Variants in ATP2B2 observed in about 807,000 individuals in gnomAD.
The protein encoded by ATP2B2 is plasma membrane calcium-transporting ATPase 2.
Under a neutral mutation model 120.0 loss-of-function variants are expected in ATP2B2, and 15 were observed. The ratio of observed to expected loss-of-function variants is 0.12; its 90% CI spans 0.08 to 0.19. The LOEUF (loss-of-function observed/expected upper bound fraction) is 0.19. Among genes scored for constraint, ATP2B2 ranks in the 10% least tolerant of loss-of-function variants. The probability of loss-of-function intolerance (pLI) is 1.00; values close to 1 mark genes in which losing one functional copy is unlikely to be tolerated. For synonymous variants in ATP2B2, 694 were observed against 700.3 expected (o/e 0.99, Z 0.14); for missense variants, 1,045 against 1,719.8 (o/e 0.61, Z 6.94).
intron 2 of ATP2B2, among the ~76,000 whole-genome samples, chr3:10,543,373 A>G (rs1425294816): frequency 6.6e-6 from 1 of 152,216 alleles, no homozygotes; most frequent in Non-Finnish European, 1.5e-5. Context: ...TGAAAAGGCT[A>G]TTAAAATACT....
At chr3:10,606,530 G>A (rs985315196) in intron 2 of ATP2B2, among the ~76,000 whole-genome samples, 1 of 152,094 alleles carries the variant, frequency 6.6e-6, no homozygotes, top group African/African-American at 2.4e-5. Context: ...CAATCCTCCT[G>A]GCTTGTATAT....
At position 10,401,996 on chromosome 3, in the gene ATP2B2, C is replaced by T. The variant is rs942986279; in HGVS notation, c.655+95G>A. The stretch of plus-strand genomic sequence containing the variant: ...TGGGATCAGCCTTCAGGAATGCATC[C>T]CCTTCCTTGAGCCAATCTCTTTGCA... On this transcript the variant is annotated intron_variant, in intron 4 of 22. Transcript: ENST00000360273. The T allele has an allele frequency of 3.8e-6, 6 of 1,579,656 alleles. No individual in the cohort carries two copies. In the African/African-American group the frequency reaches 8.0e-5, roughly 21 times the overall value.
At chr3:10,678,150 C>T (rs892015667) in intron 1 of ATP2B2, among the ~76,000 whole-genome samples, 2 of 152,050 alleles carry the variant, frequency 1.3e-5, no homozygotes, top group African/African-American at 2.4e-5. Flanking sequence ...ATACTGGGAT[C>T]GTAAAAAATG....
At chr3:10,626,904 ACACACACACACACT>A (rs2069719257) in intron 1 of ATP2B2, 2 of 130,214 alleles carry the variant, frequency 1.5e-5, no homozygotes, top group Admixed American at 1.5e-4. Context: ...ACACACACAC[ACACACACACACACT>A]TTTCATTTAC....
Position 10,328,618 on chromosome 3 carries a change from G to T in ATP2B2, c.*196C>A. On this transcript the variant is annotated 3_prime_UTR_variant, in exon 23 of 23. Transcript: ENST00000360273. The stretch of plus-strand genomic sequence containing the variant: ...TGGAGATCCCGCCCCTTGCCTTGAA[G>T]TGAAAAAGAGTTCAAACAGCATCGC... 1.6e-6 allele frequency: 1 copy of T among 640,318 alleles called. No homozygotes were observed. The highest frequency in any genetic ancestry group is 2.1e-5 in the South Asian group (1 of 48,210). 39.7% of individuals were successfully genotyped at this position (640,318 alleles called of 1,614,324 possible).
chr3:10,491,258 T>C (rs1353974919), intron 1 of ATP2B2, among the ~76,000 whole-genome samples: 1 of 146,916 alleles, frequency 6.8e-6, no homozygotes, highest in Non-Finnish European at 1.5e-5. Flanking sequence ...GGTGTTTCAC[T>C]CTTGTCACCC....
In ATP2B2 at chr3:10,343,810, C is replaced by T. The variant is rs2060352353; in HGVS notation, c.2704-845G>A. On this transcript the variant is annotated intron_variant, in intron 18 of 22. Coordinates refer to ENST00000360273, the MANE Select transcript of ATP2B2 (RefSeq NM_001001331.4). This position sits in a 1 kb window ranked among gnomAD's most constrained non-coding sequence, Gnocchi z 4.2. ...TGCACTCCCACTTGTAATCCTGACC[C>T]CACTCTCCTGGTCGTCGTCCTCCCT... Among the ~76,000 whole-genome samples the T allele has an allele frequency of 6.6e-6, 1 of 152,120 alleles. No individual in the cohort carries two copies. Among genetic ancestry groups the T allele is most frequent in the Admixed American group, 6.5e-5 (1 of 15,272 alleles).
At chr3:10,642,900 G>A (rs1181497806) in intron 1 of ATP2B2, among the ~76,000 whole-genome samples, 4 of 152,174 alleles carry the variant, frequency 2.6e-5, no homozygotes, top group Admixed American at 6.5e-5. Flanking sequence ...GGGTGTGCTC[G>A]CCTGGTGCCC....
chr3:10,363,186 C>A (rs1265017083), intron 12 of ATP2B2, among the ~76,000 whole-genome samples: 2 of 152,174 alleles, frequency 1.3e-5, no homozygotes, highest in African/African-American at 4.8e-5. Flanking sequence ...TTTCCATGAA[C>A]TTGAGCTCTG....
chr3:10,486,864 T>C (rs1471102126), intron 1 of ATP2B2, among the ~76,000 whole-genome samples: 1 of 151,938 alleles, frequency 6.6e-6, no homozygotes, highest in Non-Finnish European at 1.5e-5. Flanking sequence ...GGACTACAGG[T>C]GCGAGCCACC....
chr3:10,332,167 C>T (rs1361878198), intron 22 of ATP2B2: 2 of 775,614 alleles, frequency 2.6e-6, no homozygotes, highest in African/African-American at 3.4e-5. Context: ...AGAAGTCCAG[C>T]TTTCTTCCCT....
intron 5 of ATP2B2, among the ~76,000 whole-genome samples, chr3:10,393,797 T>C (rs1002618762): frequency 1.3e-5 from 2 of 152,270 alleles, no homozygotes; most frequent in East Asian, 1.9e-4. Context: ...TGTTCCTTGG[T>C]CTCTGACCTG....
intron 1 of ATP2B2, among the ~76,000 whole-genome samples, chr3:10,692,842 C>T (rs9844057): frequency 4.6e-5 from 7 of 151,062 alleles, no homozygotes; most frequent in Non-Finnish European, 8.9e-5. Context: ...AAAATGGGAG[C>T]CCACACCCGC....
At chr3:10,512,464 G>GCGCGCACACACACACA (rs749056818) in intron 3 of ATP2B2, among the ~76,000 whole-genome samples, 9 of 136,926 alleles carry the variant, frequency 6.6e-5, no homozygotes, top group African/African-American at 1.2e-4. Context: ...AAGTGTGTGC[G>GCGCGCACACACACACA]CACACACACA....
intron 2 of ATP2B2, among the ~76,000 whole-genome samples, chr3:10,559,467 G>A (rs1054004908): frequency 1.3e-5 from 2 of 152,020 alleles, no homozygotes; most frequent in East Asian, 1.9e-4. Flanking sequence ...CACTACACAC[G>A]TATGGAAATA....
Position 10,329,217 on chromosome 3 carries a change from G to A in ATP2B2, c.3421-92C>T. 1.6e-6 allele frequency: 2 copies of A among 1,237,100 alleles called. No individual in the cohort carries two copies. The highest frequency in any genetic ancestry group is 2.4e-5 in the South Asian group (2 of 83,032). 76.6% of individuals were successfully genotyped at this position (1,237,100 alleles called of 1,614,324 possible). On this transcript the variant is annotated intron_variant, in intron 22 of 22. Coordinates refer to ENST00000360273, the MANE Select transcript of ATP2B2 (RefSeq NM_001001331.4). The surrounding 1 kb of genome is among the most constrained non-coding windows in gnomAD (Gnocchi z 5.9). The stretch of plus-strand genomic sequence containing the variant: ...GGAGGGGCGGGTGGGAGAAGGGTTA[G>A]GGCAAAGCAGGTGGCTGGAATCCAT...
chr3:10,352,715 T>C (rs1315311652), intron 14 of ATP2B2, among the ~76,000 whole-genome samples: 1 of 151,732 alleles, frequency 6.6e-6, no homozygotes. Context: ...CTGGAGGGAG[T>C]GGGAATGTGG....
intron 2 of ATP2B2, chr3:10,566,612 C>G (rs575170458): frequency 1.3e-5 from 2 of 152,194 alleles, no homozygotes; most frequent in Non-Finnish European, 2.9e-5. Flanking sequence ...CAACGTTCAA[C>G]GGAATATTGT....
intron 1 of ATP2B2, among the ~76,000 whole-genome samples, chr3:10,489,359 C>T (rs746210286): frequency 2.6e-5 from 4 of 152,228 alleles, no homozygotes; most frequent in African/African-American, 7.2e-5. Context: ...CACTGCCTGG[C>T]ACACAGTAGG....
Sources: gnomAD v4.1 joint callset for allele counts (sites outside exome capture counted in the v4.1 genomes callset) on GRCh38, gnomAD v4.1.1 for gene constraint, Gnocchi (gnomAD v3.1) non-coding constraint, MANE v1.5 for transcripts, NCBI Gene and HGNC (gene_info 2026-07-23, HGNC 2026-07-21) for gene names.